Variants in OXR1 observed in about 807,000 individuals in gnomAD.
OXR1 encodes oxidation resistance protein 1.
OXR1 carries 41 observed loss-of-function variants against 104.6 expected under a neutral mutation model. The observed-to-expected ratio is 0.39, with a 90% CI of 0.31 to 0.51. OXR1 has a LOEUF of 0.51. Ranked by LOEUF, OXR1 falls within the 20% of genes least tolerant of loss-of-function variation. The pLI is 0.77. For missense variants in OXR1, 955 were observed against 1,031.9 expected, an observed-to-expected ratio of 0.93 and a Z score of 1.02; for synonymous variants, 348 against 348.4, an observed-to-expected ratio of 1.00 and a Z score of 0.01.
chr8:106,586,329 AAGAG>A (rs1421096417), intron 3 of OXR1, among the ~76,000 whole-genome samples: 4 of 152,162 alleles, frequency 2.6e-5, no homozygotes, highest in East Asian at 1.9e-4. Flanking sequence ...AAGAAAAAAA[AAGAG>A]AGAAGAAAAA....
intron 14 of OXR1, among the ~76,000 whole-genome samples, chr8:106,741,159 G>A (rs1834887054): frequency 1.3e-5 from 2 of 152,062 alleles, no homozygotes; most frequent in Admixed American, 6.6e-5. Flanking sequence ...CTTGCCCAAG[G>A]TTACATACCC....
At chr8:106,339,511 AAAAAAAAAATATATAT>A (rs1218339798) in intron 1 of OXR1, among the ~76,000 whole-genome samples, 22 of 43,080 alleles carry the variant, frequency 5.1e-4, no homozygotes, top group East Asian at 2.5e-3. Context: ...AAAAAAAAAA[AAAAAAAAAATATATAT>A]ATATATATAT....
At chr8:106,672,245 A>G (rs1353061341) in intron 3 of OXR1, among the ~76,000 whole-genome samples, 2 of 151,792 alleles carry the variant, frequency 1.3e-5, no homozygotes. Flanking sequence ...TGGGAGGCCA[A>G]AGTGAGTGGA....
intron 4 of OXR1, among the ~76,000 whole-genome samples, chr8:106,681,614 T>C (rs1331513526): frequency 6.6e-6 from 1 of 152,092 alleles, no homozygotes; most frequent in East Asian, 1.9e-4. Context: ...AGCCTCAACT[T>C]CCCAGGCTCA....
intron 3 of OXR1, among the ~76,000 whole-genome samples, chr8:106,548,251 C>T (rs1815526844): frequency 6.6e-6 from 1 of 152,258 alleles, no homozygotes; most frequent in East Asian, 1.9e-4. Context: ...TTACTCATTA[C>T]ACCTTAAGCA....
intron 2 of OXR1, among the ~76,000 whole-genome samples, chr8:106,510,046 A>C (rs367936733): frequency 6.6e-6 from 1 of 152,244 alleles, no homozygotes; most frequent in Non-Finnish European, 1.5e-5. Flanking sequence ...TTCTGGAATT[A>C]CAGGAGTAAG....
At chr8:106,343,807 G>A (rs566670479) in intron 1 of OXR1, among the ~76,000 whole-genome samples, 6 of 152,294 alleles carry the variant, frequency 3.9e-5, no homozygotes, top group African/African-American at 1.4e-4. Flanking sequence ...ATCTCGGGTA[G>A]TGCTTCAGTG....
At chr8:106,700,832 G>A (rs1830523871) in intron 7 of OXR1, among the ~76,000 whole-genome samples, 1 of 151,988 alleles carries the variant, frequency 6.6e-6, no homozygotes, top group African/African-American at 2.4e-5. Context: ...TTTATGAAAT[G>A]GAGAGTAACC....
At chr8:106,653,545 A>G (rs1824798384) in intron 3 of OXR1, among the ~76,000 whole-genome samples, 1 of 152,016 alleles carries the variant, frequency 6.6e-6, no homozygotes, top group African/African-American at 2.4e-5. Flanking sequence ...GACAAAATCT[A>G]ACGTCATTTA....
At chr8:106,655,043 G>C (rs886627595) in intron 3 of OXR1, among the ~76,000 whole-genome samples, 1 of 152,124 alleles carries the variant, frequency 6.6e-6, no homozygotes, top group Non-Finnish European at 1.5e-5. Context: ...AGTGAAAGAA[G>C]CCAGACCCCA....
intron 1 of OXR1, among the ~76,000 whole-genome samples, chr8:106,332,287 G>C (rs1814750244): frequency 1.3e-5 from 2 of 152,104 alleles, no homozygotes; most frequent in African/African-American, 4.8e-5. Flanking sequence ...TCTTCTTCCA[G>C]TTGAATCTTC....
At chr8:106,547,572 T>C (rs74928027) in intron 3 of OXR1, among the ~76,000 whole-genome samples, 7,365 of 150,074 alleles carry the variant, frequency 0.049, 202 homozygotes, top group Middle Eastern at 0.068. Flanking sequence ...CAGCTGACTG[T>C]AACCTCTGCC....
intron 2 of OXR1, among the ~76,000 whole-genome samples, chr8:106,487,137 C>T (rs1311631952): frequency 6.6e-6 from 1 of 151,068 alleles, no homozygotes; most frequent in Non-Finnish European, 1.5e-5. Context: ...GATTCTCCTG[C>T]TTCAGCCTCT....
intron 3 of OXR1, among the ~76,000 whole-genome samples, chr8:106,675,711 A>G (rs145791390): frequency 1.4e-4 from 22 of 152,266 alleles, no homozygotes; most frequent in Non-Finnish European, 2.6e-4. Context: ...GGAGTGTTTT[A>G]CTTCTGAATA....
intron 2 of OXR1, among the ~76,000 whole-genome samples, chr8:106,360,542 A>G (rs1586565189): frequency 6.6e-6 from 1 of 152,118 alleles, no homozygotes; most frequent in East Asian, 1.9e-4. Context: ...TTATTTGTTT[A>G]GATTCGGAGT....
chr8:106,438,311 G>A (rs915146410), intron 2 of OXR1, among the ~76,000 whole-genome samples: 12 of 151,998 alleles, frequency 7.9e-5, no homozygotes, highest in Non-Finnish European at 1.3e-4. Context: ...ATGTTAAAAT[G>A]CAAAACAGGA....
rs556078796 is a variant in OXR1 at position 106,622,356 on chromosome 8, G to A, written c.221-56854G>A. Reference sequence around the variant, plus strand: ...AGTCAGTTTTCAGTGAGGCAACTGGGAGGAATGTGGTTCAAACATGAATCT... The same window carrying A: ...AGTCAGTTTTCAGTGAGGCAACTGGAAGGAATGTGGTTCAAACATGAATCT... On this transcript the variant is annotated intron_variant, in intron 3 of 16. Coordinates refer to ENST00000517566, the MANE Select transcript of OXR1 (RefSeq NM_001198533.2). 2.0e-5 allele frequency among the ~76,000 whole-genome samples: 3 copies of A among 152,160 alleles called. No individual in the cohort carries two copies. In the East Asian group the frequency reaches 5.8e-4, roughly 29 times the overall value.
chr8:106,447,058 C>T (rs1820039067), intron 2 of OXR1, among the ~76,000 whole-genome samples: 1 of 152,182 alleles, frequency 6.6e-6, no homozygotes, highest in African/African-American at 2.4e-5. Context: ...TTCATTCTTT[C>T]TGGTAGTTCT....
At position 106,738,621 on chromosome 8, in the gene OXR1, TTA is replaced by T. The variant is rs1403219796; in HGVS notation, c.2038-835_2038-834del. 7.3e-5 allele frequency among the ~76,000 whole-genome samples: 11 copies of T among 151,204 alleles called. No individual in the cohort carries two copies. The East Asian group carries it at 9.7e-4, about 13-fold the overall frequency. ...TCATTTCTTTTATTTTCTAATATTA[TTA>T]TGTTTTATATATTAAAATAAAATTA... is the stretch of plus-strand genomic sequence containing the variant. On this transcript the variant is annotated intron_variant, in intron 12 of 16. Transcript: ENST00000517566.
Sources: allele counts gnomAD v4.1 joint callset (sites outside exome capture counted in the v4.1 genomes callset), GRCh38; gene constraint gnomAD v4.1.1; transcripts MANE v1.5; gene names NCBI Gene and HGNC (gene_info 2026-07-23, HGNC 2026-07-21).